KATNIP: variants seen among roughly 807,000 people sequenced by gnomAD.
KATNIP encodes the protein katanin interacting protein.
A neutral mutation model predicts 174.0 loss-of-function variants in KATNIP; 126 were observed. That is an observed-to-expected ratio of 0.72 (90% CI 0.63 to 0.84). The LOEUF is 0.84. Among genes scored for constraint, KATNIP ranks in the 40% least tolerant of loss-of-function variants. KATNIP has a pLI of 0.00. For synonymous variants in KATNIP, 810 were observed against 835.7 expected (o/e 0.97, Z 0.53); for missense variants, 1,958 against 2,109.7 (o/e 0.93, Z 1.41).
At chr16:27,727,174 T>G (rs192690567) in intron 14 of KATNIP, 105 of 191,570 alleles carry the variant, frequency 5.5e-4, no homozygotes, top group African/African-American at 2.1e-3. Flanking sequence ...TGTGATCTGA[T>G]GGAGGATGTT....
rs777090495 is a variant in KATNIP at position 27,751,874 on chromosome 16, G to A, written c.3502G>A (p.Glu1168Lys). ...AMRRPSTADG[E>K]GDERPFTQAG... Reference sequence around the variant, plus strand: ...GAGGAGGCCCAGCACGGCCGACGGCGAGGGGGATGAGCGGCCCTTCACCCA... The same window carrying A: ...GAGGAGGCCCAGCACGGCCGACGGCAAGGGGGATGAGCGGCCCTTCACCCA... Residue 1168 changes from glutamate (E) to lysine (K), a missense_variant, in exon 17 of 28, where the codon GAG becomes AAG. Coordinates refer to ENST00000261588, the MANE Select transcript of KATNIP (RefSeq NM_015202.5). 28 of 1,613,436 alleles carry A rather than the reference G, an allele frequency of 1.7e-5. No individual in the cohort carries two copies. Among genetic ancestry groups the A allele is most frequent in the South Asian group, 1.3e-4 (12 of 91,064 alleles).
intron 6 of KATNIP, chr16:27,659,945 G>T (rs1027306983): frequency 4.2e-6 from 4 of 954,068 alleles, no homozygotes; most frequent in Middle Eastern, 5.3e-4. Context: ...AGTTTGGCCT[G>T]GTCCCCACTA....
intron 8 of KATNIP, among the ~76,000 whole-genome samples, chr16:27,690,140 A>AAATAAT (rs140608906): frequency 5.9e-5 from 9 of 151,358 alleles, no homozygotes; most frequent in South Asian, 2.1e-4. Flanking sequence ...TCATCTCTAC[A>AAATAAT]AATAATAATA....
intron 1 of KATNIP, among the ~76,000 whole-genome samples, chr16:27,567,164 C>T (rs1353837496): frequency 6.6e-6 from 1 of 152,206 alleles, no homozygotes; most frequent in Non-Finnish European, 1.5e-5. Context: ...GGAGGCTCCT[C>T]CATCTCCCTC....
intron 1 of KATNIP, among the ~76,000 whole-genome samples, chr16:27,570,688 G>GTA (rs539200621): frequency 2.0e-5 from 3 of 152,264 alleles, no homozygotes; most frequent in African/African-American, 7.2e-5. Flanking sequence ...CAGTCTACCT[G>GTA]GACATTGGGC....
intron 1 of KATNIP, among the ~76,000 whole-genome samples, chr16:27,554,151 T>G (rs752665691): frequency 3.3e-5 from 5 of 152,138 alleles, no homozygotes; most frequent in Non-Finnish European, 7.4e-5. Context: ...TACCCACCAT[T>G]GCTTTGTGTC....
At chr16:27,638,064 TGTTA>T (rs1230485718) in intron 5 of KATNIP, among the ~76,000 whole-genome samples, 1 of 152,138 alleles carries the variant, frequency 6.6e-6, no homozygotes, top group East Asian at 1.9e-4. Flanking sequence ...CCTCCATATT[TGTTA>T]GTTGAAAGTT....
chr16:27,749,903 C>A lies in KATNIP; in HGVS notation c.2943C>A (p.Ile981=), dbSNP rs931480164. The A allele has an allele frequency of 6.2e-7, 1 of 1,614,086 alleles. No homozygotes were observed. Among genetic ancestry groups the A allele is most frequent in the African/African-American group, 1.3e-5 (1 of 74,934 alleles). ...LPYGQRLVID[I]KSTWGDRHYV... is the part of the protein sequence containing the mutation. ...ATGGACAGCGCTTGGTCATTGACATCAAGTCTACCTGGGGGGACAGACACT... is the reference window on the plus strand; with the variant it reads ...ATGGACAGCGCTTGGTCATTGACATAAAGTCTACCTGGGGGGACAGACACT... Residue 981 remains isoleucine (I), a synonymous_variant, in exon 16 of 28, where the codon ATC becomes ATA. Transcript: ENST00000261588.
chr16:27,641,305 A>G (rs1282073856), intron 5 of KATNIP, among the ~76,000 whole-genome samples: 4 of 152,018 alleles, frequency 2.6e-5, no homozygotes, highest in Non-Finnish European at 4.4e-5. Flanking sequence ...ATAATGACCT[A>G]TTCTTCATCT....
At chr16:27,630,854 A>G (rs2076465935) in intron 4 of KATNIP, among the ~76,000 whole-genome samples, 1 of 152,184 alleles carries the variant, frequency 6.6e-6, no homozygotes, top group East Asian at 1.9e-4. Context: ...ATGGATATAT[A>G]TACTGGAACT....
chr16:27,670,070 G>A (rs2077840657), intron 6 of KATNIP, among the ~76,000 whole-genome samples: 1 of 152,090 alleles, frequency 6.6e-6, no homozygotes, highest in East Asian at 1.9e-4. Flanking sequence ...TGAAACAGGA[G>A]GAATTATTGA....
At chr16:27,645,422 G>A (rs146036220) in intron 5 of KATNIP, among the ~76,000 whole-genome samples, 2 of 152,302 alleles carry the variant, frequency 1.3e-5, no homozygotes, top group South Asian at 2.1e-4. Context: ...GTAGCATGCC[G>A]GAGTCTAGAA....
intron 11 of KATNIP, among the ~76,000 whole-genome samples, chr16:27,702,480 C>G (rs2079138184): frequency 6.6e-6 from 1 of 152,182 alleles, no homozygotes; most frequent in African/African-American, 2.4e-5. Flanking sequence ...AGGCTGAGAG[C>G]CTGTAGTTTC....
At position 27,556,126 on chromosome 16, in the gene KATNIP, C is replaced by CA. The variant is rs113053015; in HGVS notation, c.7+5964dup. Among the ~76,000 whole-genome samples, 755 of 113,958 alleles carry CA rather than the reference C, an allele frequency of 6.6e-3. 4 individuals are homozygous for CA. The highest frequency in any genetic ancestry group is 0.042 in the South Asian group (155 of 3,682). 74.8% of individuals were successfully genotyped at this position (113,958 alleles called of 152,430 possible). On this transcript the variant is annotated intron_variant, in intron 1 of 27. Transcript: ENST00000261588. ...TGGGCCAGTGAGTGAGACTCTGTCT[C>CA]AAAAAAAAAAAAAAAGTTCCTATAT...
intron 20 of KATNIP, among the ~76,000 whole-genome samples, chr16:27,769,496 T>G (rs1225717418): frequency 6.6e-6 from 1 of 152,144 alleles, no homozygotes; most frequent in East Asian, 1.9e-4. Flanking sequence ...ATAGGGAAGG[T>G]AGGTAACATA....
chr16:27,637,588 G>C lies in KATNIP; in HGVS notation c.408+6426G>C, dbSNP rs778810262. 2.6e-5 allele frequency among the ~76,000 whole-genome samples: 4 copies of C among 152,160 alleles called. No homozygotes were observed. Among genetic ancestry groups the C allele is most frequent in the Non-Finnish European group, 5.9e-5 (4 of 68,028 alleles). On this transcript the variant is annotated intron_variant, in intron 5 of 27. Transcript: ENST00000261588. The surrounding 1 kb of genome is among the most constrained non-coding windows in gnomAD (Gnocchi z 4.7). ...CTGAGAGTTACCTGGAGCCAGCCCC[G>C]GAAAGATCTGTGGCTGGGGGAGGCT...
rs757485347 is a variant in KATNIP at position 27,698,501 on chromosome 16, G to A, written c.1113+1G>A. On this transcript the variant is annotated splice_donor_variant, in intron 9 of 27. Transcript: ENST00000261588. LOFTEE classifies it high-confidence loss of function. ...CGAGCAGCCAGCCAGCCCACTGCAG[G>A]TGCGCTCCGGGCTGGGAGAGGAACC... is the stretch of plus-strand genomic sequence containing the variant. 4 of 1,604,622 alleles carry A rather than the reference G, an allele frequency of 2.5e-6. No individual in the cohort carries two copies. The highest frequency in any genetic ancestry group is 3.4e-6 in the Non-Finnish European group (4 of 1,174,856).
chr16:27,700,504 G>A (rs565342431), intron 10 of KATNIP, among the ~76,000 whole-genome samples: 11 of 152,160 alleles, frequency 7.2e-5, no homozygotes, highest in Non-Finnish European at 1.5e-4. Flanking sequence ...ATCAGAGAGC[G>A]ATGACAATCA....
intron 13 of KATNIP, among the ~76,000 whole-genome samples, chr16:27,714,607 T>C (rs2079841500): frequency 6.6e-6 from 1 of 152,142 alleles, no homozygotes; most frequent in Non-Finnish European, 1.5e-5. Context: ...AGATTAAAAT[T>C]ACTAAAATCA....
Sources: gnomAD v4.1 joint callset for allele counts (sites outside exome capture counted in the v4.1 genomes callset) on GRCh38, gnomAD v4.1.1 for gene constraint, Gnocchi (gnomAD v3.1) non-coding constraint, MANE v1.5 for transcripts, NCBI Gene and HGNC (gene_info 2026-07-23, HGNC 2026-07-21) for gene names.